The following PSD2 variants were observed in gnomAD, a reference collection of about 807,000 sequenced individuals.
PSD2 encodes the protein pleckstrin and Sec7 domain containing 2.
A neutral mutation model predicts 69.8 loss-of-function variants in PSD2; 38 were observed. The observed-to-expected ratio is 0.54, with a 90% CI of 0.42 to 0.71. The LOEUF (loss-of-function observed/expected upper bound fraction) is 0.71. Among genes scored for constraint, PSD2 ranks in the 30% least tolerant of loss-of-function variants. PSD2 has a pLI of 0.00. For synonymous variants in PSD2, 412 were observed against 423.0 expected (o/e 0.97, Z 0.32); for missense variants, 943 against 1,014.5 (o/e 0.93, Z 0.96).
chr5:139,762,864 G>A, the PSD2 span, among the ~76,000 whole-genome samples: 1 of 152,162 alleles, frequency 6.6e-6, no homozygotes, highest in African/African-American at 2.4e-5. Context: ...GGTTGGCAGA[G>A]TGGGGAGAGA....
rs1415852116 is a variant in PSD2, at chr5:139,814,117, G to A, written c.822-53G>A. Reference sequence around the variant, plus strand: ...GGGAAACCTCCCAGCCTCCTCTGGGGCCTTTGACCCTGGGCCTCTGACGCT... The same window carrying A: ...GGGAAACCTCCCAGCCTCCTCTGGGACCTTTGACCCTGGGCCTCTGACGCT... On this transcript the variant is annotated intron_variant, in intron 3 of 14. Transcript: ENST00000274710. This position sits in a 1 kb window ranked among gnomAD's most constrained non-coding sequence, Gnocchi z 4.4. 2.2e-5 allele frequency: 35 copies of A among 1,574,468 alleles called. No individual in the cohort carries two copies. The highest frequency in any genetic ancestry group is 9.5e-6 in the Non-Finnish European group (11 of 1,153,260).
the PSD2 span, among the ~76,000 whole-genome samples, chr5:139,757,018 A>C: frequency 4.6e-5 from 7 of 152,128 alleles, no homozygotes; most frequent in African/African-American, 1.7e-4. Flanking sequence ...GAGGAAACAG[A>C]GGCACAGAGA....
intron 14 of PSD2, among the ~76,000 whole-genome samples, chr5:139,841,950 C>A (rs1760881158): frequency 6.6e-6 from 1 of 152,138 alleles, no homozygotes; most frequent in Non-Finnish European, 1.5e-5. Flanking sequence ...TGTAGGTTGC[C>A]TTTTCATTCT....
chr5:139,811,936 C>T (rs930946437), intron 2 of PSD2, among the ~76,000 whole-genome samples: 12 of 152,086 alleles, frequency 7.9e-5, no homozygotes, highest in African/African-American at 2.9e-4. Flanking sequence ...TCTCTGTTGT[C>T]CTCTCGTATC....
rs772106100 is a variant in PSD2, at chr5:139,813,600, C to A, written c.663C>A (p.Pro221=). ...GTGGTGATGGGGAGCTGGGCAGCCC[C>A]CTGCGGCGCTCCATCTCCAGCAGCC... ...AAGGDGELGS[P]LRRSISSSRS... Residue 221 remains proline, a synonymous_variant, in exon 3 of 15, where the codon CCC becomes CCA. Transcript: ENST00000274710. 6.2e-7 allele frequency: 1 copy of A among 1,614,004 alleles called. No homozygotes were observed. The highest frequency in any genetic ancestry group is 8.5e-7 in the Non-Finnish European group (1 of 1,179,922).
chr5:139,785,691 C>T, the PSD2 span, among the ~76,000 whole-genome samples: 4 of 152,196 alleles, frequency 2.6e-5, no homozygotes, highest in Non-Finnish European at 4.4e-5. Flanking sequence ...TGATATGGCT[C>T]ACCTAGAATA....
At position 139,837,566 on chromosome 5, in the gene PSD2, G is replaced by C; in HGVS notation, c.1666-59G>C. On this transcript the variant is annotated intron_variant, in intron 11 of 14. Transcript: ENST00000274710. The surrounding 1 kb of genome is among the most constrained non-coding windows in gnomAD (Gnocchi z 5.0). ...AGGGTTAGACAGAGAGCAGTGAGGG[G>C]AGGGGAGAGTGGAAGGTGTGGGTCA... 6.6e-7 allele frequency: 1 copy of C among 1,514,664 alleles called. No homozygotes were observed. Among genetic ancestry groups the C allele is most frequent in the Middle Eastern group, 1.8e-4 (1 of 5,604 alleles). The allele number at this position is 1,514,664 out of a possible 1,614,324, so 93.8% of individuals were successfully genotyped here. A position where few individuals can be genotyped will look rare whatever the true frequency, so the allele number is the denominator to read the frequency against.
At chr5:139,761,777 G>A in the PSD2 span, among the ~76,000 whole-genome samples, 6 of 152,154 alleles carry the variant, frequency 3.9e-5, no homozygotes, top group Non-Finnish European at 8.8e-5. Flanking sequence ...CCATGGCTTA[G>A]GACCAGTGGG....
At chr5:139,793,818 C>T (rs1252063161), upstream of PSD2, among the ~76,000 whole-genome samples, 1 of 152,200 alleles carries the variant, frequency 6.6e-6, no homozygotes, top group Non-Finnish European at 1.5e-5. Context: ...TTGAGCACAT[C>T]AGCTCTTTCG....
chr5:139,796,804 G>T (rs760322623), intron 1 of PSD2, among the ~76,000 whole-genome samples: 1 of 152,202 alleles, frequency 6.6e-6, no homozygotes, highest in East Asian at 1.9e-4. Context: ...GGCCATCTTG[G>T]GGGGGCCAGG....
the PSD2 span, among the ~76,000 whole-genome samples, chr5:139,744,247 G>A: frequency 9.2e-5 from 14 of 152,196 alleles, no homozygotes; most frequent in East Asian, 2.1e-3. Flanking sequence ...TAAGCTAGAC[G>A]GTGATCCTGT....
rs1446641694 is a variant in PSD2 at position 139,813,432 on chromosome 5, C to A, written c.495C>A (p.Ser165Arg). ...YSSLDSLDGL[S>R]LTDESDSCVS... Reference sequence around the variant, plus strand: ...GCCTCGACTCCCTAGACGGGCTGAGCCTCACGGATGAGAGCGACAGCTGCG... The same window carrying A: ...GCCTCGACTCCCTAGACGGGCTGAGACTCACGGATGAGAGCGACAGCTGCG... Residue 165 changes from serine (S) to arginine (R), a missense_variant, in exon 3 of 15, where the codon AGC (serine) becomes AGA (arginine). Physicochemically the swap from Ser to Arg is moderately radical, Grantham distance 110. This residue lies in a region of PSD2 where 466 missense variants were observed against 445.0 expected (regional missense o/e 1.05). Transcript: ENST00000274710. 6.2e-7 allele frequency: 1 copy of A among 1,614,022 alleles called. No individual in the cohort carries two copies. Among genetic ancestry groups the A allele is most frequent in the South Asian group, 1.1e-5 (1 of 91,080 alleles).
upstream of PSD2, among the ~76,000 whole-genome samples, chr5:139,791,372 C>G (rs949102581): frequency 2.0e-5 from 3 of 152,006 alleles, no homozygotes; most frequent in African/African-American, 7.2e-5. Flanking sequence ...CAAGGCTGCA[C>G]TGATCTGAGA....
intron 7 of PSD2, among the ~76,000 whole-genome samples, chr5:139,827,817 C>A (rs867718277): frequency 6.6e-6 from 1 of 152,140 alleles, no homozygotes; most frequent in Non-Finnish European, 1.5e-5. Flanking sequence ...ATGAGAACAG[C>A]GTGGGGGAAC....
the PSD2 span, among the ~76,000 whole-genome samples, chr5:139,778,945 CAA>C: frequency 4.0e-4 from 40 of 99,882 alleles, no homozygotes; most frequent in South Asian, 1.7e-3. Flanking sequence ...AGAAAAAAAA[CAA>C]AAAAAAAAAA....
chr5:139,815,225 G>A (rs1760089560), intron 4 of PSD2, among the ~76,000 whole-genome samples: 1 of 151,938 alleles, frequency 6.6e-6, no homozygotes, highest in Admixed American at 6.5e-5. Context: ...CAGTCTCCAC[G>A]CTGCTCCTGC....
At chr5:139,830,565 C>CCTTCCTTCCTTCCTTCCTTCCTTTCTTT (rs1554096354) in intron 7 of PSD2, among the ~76,000 whole-genome samples, 31 of 120,374 alleles carry the variant, frequency 2.6e-4, no homozygotes, top group African/African-American at 9.9e-4. Context: ...TTCCTTCCTT[C>CCTTCCTTCCTTCCTTCCTTCCTTTCTTT]CTTTCTTTCT....
rs1268706887 is a variant in PSD2 at position 139,839,975 on chromosome 5, CTCCGTG to C, written c.1969-51_1969-46del. ...TCCTGGTAGAACAGGATTTGAGCCA[CTCCGTG>C]ACATCCTGAGAGTAAGGCCTCACAG... On this transcript the variant is annotated intron_variant, in intron 13 of 14. Transcript: ENST00000274710. This position sits in a 1 kb window ranked among gnomAD's most constrained non-coding sequence, Gnocchi z 5.1. The C allele has an allele frequency of 6.2e-7, 1 of 1,604,082 alleles. No individual in the cohort carries two copies. The highest frequency in any genetic ancestry group is 2.2e-5 in the East Asian group (1 of 44,768).
At chr5:139,821,058 G>C (rs954552310) in intron 5 of PSD2, among the ~76,000 whole-genome samples, 5 of 152,036 alleles carry the variant, frequency 3.3e-5, no homozygotes, top group African/African-American at 4.8e-5. Flanking sequence ...TCAACCTCCT[G>C]AGTAGCTTGG....
Sources: gnomAD v4.1 joint callset for allele counts (sites outside exome capture counted in the v4.1 genomes callset) on GRCh38, gnomAD v4.1.1 for gene constraint, gnomAD v4.1.1 regional missense constraint, Gnocchi (gnomAD v3.1) non-coding constraint, MANE v1.5 for transcripts, NCBI Gene and HGNC (gene_info 2026-07-23, HGNC 2026-07-21) for gene names.